Variants in IGSF21 observed in about 807,000 individuals in gnomAD.
The protein encoded by IGSF21 is immunoglobulin superfamily member 21.
IGSF21 carries 28 observed loss-of-function variants against 46.8 expected under a neutral mutation model. The ratio of observed to expected loss-of-function variants is 0.60; its 90% CI spans 0.44 to 0.82. The LOEUF is 0.82. IGSF21 is among the 40% of genes least tolerant of loss of function. The pLI is 0.00. For missense variants in IGSF21, 624 were observed against 665.5 expected (o/e 0.94, Z 0.69); for synonymous variants, 284 against 273.6 (o/e 1.04, Z -0.38).
intron 1 of IGSF21, among the ~76,000 whole-genome samples, chr1:18,212,187 T>A (rs2084399371): frequency 6.6e-6 from 1 of 152,238 alleles, no homozygotes; most frequent in Non-Finnish European, 1.5e-5. Flanking sequence ...GCCTGGGCCA[T>A]CTCTCTGCAT....
chr1:18,342,376 G>C (rs851447), intron 4 of IGSF21, among the ~76,000 whole-genome samples: 2 of 151,796 alleles, frequency 1.3e-5, no homozygotes, highest in Non-Finnish European at 2.9e-5. Flanking sequence ...TTACAGGCAT[G>C]AGCCACCAAG....
intron 4 of IGSF21, among the ~76,000 whole-genome samples, chr1:18,341,012 C>CTCTTCTTCT (rs10536109): frequency 5.9e-5 from 5 of 84,982 alleles, no homozygotes; most frequent in Admixed American, 1.3e-4. Context: ...CCTCCTTCTT[C>CTCTTCTTCT]TCTTCTTCTT....
intron 1 of IGSF21, among the ~76,000 whole-genome samples, chr1:18,149,650 C>T (rs1318668402): frequency 7.9e-6 from 1 of 127,300 alleles, no homozygotes; most frequent in Non-Finnish European, 1.7e-5. Flanking sequence ...GTCTTCGTAA[C>T]ATGGGCAGAT....
intron 1 of IGSF21, among the ~76,000 whole-genome samples, chr1:18,182,625 A>G (rs1053150510): frequency 3.3e-5 from 5 of 152,210 alleles, no homozygotes; most frequent in East Asian, 3.9e-4. Flanking sequence ...TTGTGAGAGC[A>G]GAGACTGTCT....
intron 1 of IGSF21, among the ~76,000 whole-genome samples, chr1:18,133,815 C>T (rs2086344429): frequency 6.6e-6 from 1 of 152,266 alleles, no homozygotes; most frequent in South Asian, 2.1e-4. Context: ...TTGGCTTGGT[C>T]ACTGCAGGCA....
intron 1 of IGSF21, among the ~76,000 whole-genome samples, chr1:18,159,450 G>A (rs2086596731): frequency 6.6e-6 from 1 of 152,162 alleles, no homozygotes; most frequent in South Asian, 2.1e-4. Flanking sequence ...TAATTCCCAT[G>A]TGTTGTGGAA....
chr1:18,118,795 T>C (rs1021565354), intron 1 of IGSF21, among the ~76,000 whole-genome samples: 1 of 152,174 alleles, frequency 6.6e-6, no homozygotes, highest in Admixed American at 6.5e-5. Flanking sequence ...GGTTACCTCA[T>C]GGGGAAGAGT....
rs111986853 is a variant in IGSF21 at position 18,260,281 on chromosome 1, A to G, written c.184-31585A>G. ...GCTGGTCCAGGGGCCAAGGCCAGCC[A>G]AGAAGCAAGAGGCCCAGAAATGGTG... On this transcript the variant is annotated intron_variant, in intron 2 of 9. Transcript: ENST00000251296. Among the ~76,000 whole-genome samples, 934 of 152,360 alleles carry G rather than the reference A, an allele frequency of 6.1e-3. 8 individuals carry two copies. Among genetic ancestry groups the G allele is most frequent in the African/African-American group, 0.021 (877 of 41,592 alleles).
intron 1 of IGSF21, among the ~76,000 whole-genome samples, chr1:18,166,016 C>T (rs909263786): frequency 6.6e-6 from 1 of 152,196 alleles, no homozygotes; most frequent in African/African-American, 2.4e-5. Flanking sequence ...ATAAACGACC[C>T]TGTCTCCTTT....
chr1:18,136,706 GT>G (rs1357659083), intron 1 of IGSF21, among the ~76,000 whole-genome samples: 1 of 152,118 alleles, frequency 6.6e-6, no homozygotes, highest in Non-Finnish European at 1.5e-5. Flanking sequence ...CTCCAGCTTT[GT>G]TCTTTTGGCT....
intron 1 of IGSF21, among the ~76,000 whole-genome samples, chr1:18,118,139 T>C (rs998987396): frequency 6.6e-6 from 1 of 152,218 alleles, no homozygotes; most frequent in Non-Finnish European, 1.5e-5. Context: ...TTGGGGTTTT[T>C]TTTTGTTCCT....
At chr1:18,242,590 T>G (rs981650430) in intron 2 of IGSF21, among the ~76,000 whole-genome samples, 3 of 152,240 alleles carry the variant, frequency 2.0e-5, no homozygotes, top group Non-Finnish European at 4.4e-5. Context: ...ATTAATTATA[T>G]GGGAGCAGGT....
rs2085749058 is a variant in IGSF21 at position 18,334,756 on chromosome 1, C to T, written c.306-136C>T. On this transcript the variant is annotated intron_variant, in intron 3 of 9. Coordinates refer to ENST00000251296, the MANE Select transcript of IGSF21 (RefSeq NM_032880.5). This position sits in a 1 kb window ranked among gnomAD's most constrained non-coding sequence, Gnocchi z 4.3. Reference sequence around the variant, plus strand: ...CAGTCGGTGTTCCATAAATGCTCCCCTCCTCCCAGCCCAGCACACAGGCCT... The same window carrying T: ...CAGTCGGTGTTCCATAAATGCTCCCTTCCTCCCAGCCCAGCACACAGGCCT... 1.4e-6 allele frequency: 1 copy of T among 695,832 alleles called. No individual in the cohort carries two copies. The allele number at this position is 695,832 out of a possible 1,614,324, so 43.1% of individuals were successfully genotyped here.
At chr1:18,257,710 G>A (rs1047494952) in intron 2 of IGSF21, among the ~76,000 whole-genome samples, 1 of 152,174 alleles carries the variant, frequency 6.6e-6, no homozygotes, top group South Asian at 2.1e-4. Context: ...CTGTGCACCA[G>A]GTTCAGACAT....
At chr1:18,376,567 G>A (rs1463085531) in intron 7 of IGSF21, among the ~76,000 whole-genome samples, 172 bp downstream of exon 7, 2 of 152,226 alleles carry the variant, frequency 1.3e-5, no homozygotes, top group African/African-American at 4.8e-5. Flanking sequence ...ATGAGGAATG[G>A]CAAAGAGGTG....
At chr1:18,209,497 C>G (rs1212077091) in intron 1 of IGSF21, among the ~76,000 whole-genome samples, 1 of 151,894 alleles carries the variant, frequency 6.6e-6, no homozygotes, top group Non-Finnish European at 1.5e-5. Context: ...CTCTGTCGCC[C>G]AGGCTGGAGG....
At chr1:18,362,686 G>C (rs796490986) in intron 5 of IGSF21, among the ~76,000 whole-genome samples, 98 of 152,316 alleles carry the variant, frequency 6.4e-4, no homozygotes, top group African/African-American at 2.3e-3. Flanking sequence ...TGATCAGCAG[G>C]AAGCCCATCT....
chr1:18,316,801 GA>G (rs2085547208), intron 3 of IGSF21, among the ~76,000 whole-genome samples: 1 of 152,200 alleles, frequency 6.6e-6, no homozygotes, highest in Admixed American at 6.5e-5. Flanking sequence ...AGGGTTGCAA[GA>G]GGCATAATGA....
chr1:18,332,560 G>A (rs2085724631), intron 3 of IGSF21, among the ~76,000 whole-genome samples: 1 of 151,802 alleles, frequency 6.6e-6, no homozygotes, highest in Non-Finnish European at 1.5e-5. Context: ...AATGGCGCCT[G>A]GTAGAGAGGC....
Sources: allele counts gnomAD v4.1 joint callset (sites outside exome capture counted in the v4.1 genomes callset), GRCh38; gene constraint gnomAD v4.1.1; non-coding constraint Gnocchi (gnomAD v3.1); transcripts MANE v1.5; gene names NCBI Gene and HGNC (gene_info 2026-07-23, HGNC 2026-07-21).